Variants in LOC122539214 observed in about 807,000 individuals in gnomAD.
chr19:52,687,522 T>A, the LOC122539214 span, among the ~76,000 whole-genome samples: 11 of 17,532 alleles, frequency 6.3e-4, 3 homozygotes, highest in East Asian at 1.2e-3. Flanking sequence ...TATATAAATT[T>A]TATATATAAA....
the LOC122539214 span, chr19:52,654,531 G>A: frequency 4.0e-5 from 18 of 447,748 alleles, no homozygotes; most frequent in African/African-American, 2.9e-4. Flanking sequence ...GATCTTCAAA[G>A]TTTAAGAACA....
At chr19:52,660,048 G>A in the LOC122539214 span, among the ~76,000 whole-genome samples, 1 of 152,016 alleles carries the variant, frequency 6.6e-6, no homozygotes, top group Admixed American at 6.6e-5. Context: ...AAAATTAGCG[G>A]GGTGTGGTGG....
the LOC122539214 span, chr19:52,654,292 A>G: frequency 6.5e-7 from 1 of 1,532,528 alleles, no homozygotes; most frequent in Non-Finnish European, 9.0e-7. Context: ...TGGGAAGCAA[A>G]AATCTCCAAT....
the LOC122539214 span, among the ~76,000 whole-genome samples, chr19:52,677,859 C>T: frequency 6.6e-6 from 1 of 151,800 alleles, no homozygotes; most frequent in Admixed American, 6.6e-5. Context: ...TGCTGAAACC[C>T]CATCTCTACT....
At chr19:52,654,358 C>A in the LOC122539214 span, 1 of 1,299,434 alleles carries the variant, frequency 7.7e-7, no homozygotes, top group South Asian at 1.4e-5. Flanking sequence ...TCCTGTATTA[C>A]CGTGCCCTGT....
chr19:52,680,603 AAT>A, the LOC122539214 span, among the ~76,000 whole-genome samples: 244 of 101,716 alleles, frequency 2.4e-3, 2 homozygotes, highest in African/African-American at 6.7e-3. Context: ...TTTTCCACAA[AAT>A]ATTTTTTTTT....
At chr19:52,665,933 GGCAA>G in the LOC122539214 span, among the ~76,000 whole-genome samples, 1 of 152,018 alleles carries the variant, frequency 6.6e-6, no homozygotes, top group East Asian at 1.9e-4. Context: ...GGCTGAGGTG[GGCAA>G]ATCACGAGGT....
At chr19:52,676,371 T>A in the LOC122539214 span, among the ~76,000 whole-genome samples, 5 of 152,140 alleles carry the variant, frequency 3.3e-5, no homozygotes, top group South Asian at 2.1e-4. Context: ...CCTCCCAAAG[T>A]GCCGAGATTG....
At chr19:52,679,656 T>A in the LOC122539214 span, among the ~76,000 whole-genome samples, 10 of 152,186 alleles carry the variant, frequency 6.6e-5, no homozygotes, top group South Asian at 2.1e-4. Context: ...GAAACACTTA[T>A]CAGTCAGTGT....
At chr19:52,658,058 C>T in the LOC122539214 span, among the ~76,000 whole-genome samples, 1 of 150,994 alleles carries the variant, frequency 6.6e-6, no homozygotes, top group Non-Finnish European at 1.5e-5. Flanking sequence ...ATTGCTTTAA[C>T]CATGAAAGCG....
the LOC122539214 span, chr19:52,652,934 A>C: frequency 8.4e-7 from 1 of 1,188,892 alleles, no homozygotes; most frequent in Non-Finnish European, 1.2e-6. Flanking sequence ...TGGTATACAA[A>C]GGATGACATA....
At chr19:52,675,635 A>C in the LOC122539214 span, among the ~76,000 whole-genome samples, 34 of 152,192 alleles carry the variant, frequency 2.2e-4, no homozygotes, top group African/African-American at 8.2e-4. Context: ...AGCATTACAA[A>C]ATCGATAGGC....
the LOC122539214 span, chr19:52,652,687 G>T: frequency 1.7e-6 from 1 of 605,980 alleles, no homozygotes; most frequent in South Asian, 1.5e-5. Context: ...TGCAATGCTT[G>T]TAGCATTACT....
At chr19:52,661,700 C>T in the LOC122539214 span, among the ~76,000 whole-genome samples, 1 of 152,184 alleles carries the variant, frequency 6.6e-6, no homozygotes, top group Non-Finnish European at 1.5e-5. Context: ...CTGCTCTCCC[C>T]TTGGGGACTT....
chr19:52,676,324 C>T, the LOC122539214 span, among the ~76,000 whole-genome samples: 16,541 of 152,184 alleles, frequency 0.11, 1,216 homozygotes, highest in Non-Finnish European at 0.15. Context: ...CTGATCTCGG[C>T]TCACTACAAC....
the LOC122539214 span, among the ~76,000 whole-genome samples, chr19:52,684,650 G>A: frequency 0.016 from 2,355 of 150,584 alleles, 34 homozygotes; most frequent in Middle Eastern, 0.041. Context: ...TGGGCAGAGG[G>A]AACTTCAGAT....
At chr19:52,661,737 G>A in the LOC122539214 span, among the ~76,000 whole-genome samples, 16,198 of 152,170 alleles carry the variant, frequency 0.11, 974 homozygotes, top group African/African-American at 0.15. Flanking sequence ...AGTGAACAGC[G>A]AAGGAGCTAA....
At chr19:52,657,121 C>T in the LOC122539214 span, among the ~76,000 whole-genome samples, 1 of 150,064 alleles carries the variant, frequency 6.7e-6, no homozygotes, top group Non-Finnish European at 1.5e-5. Context: ...ATCACCCCCA[C>T]CCTCCCAAAA....
chr19:52,680,762 G>A, the LOC122539214 span, among the ~76,000 whole-genome samples: 46 of 143,888 alleles, frequency 3.2e-4, no homozygotes, highest in South Asian at 2.0e-3. Context: ...ACAGGCGCCC[G>A]CCACTACGCC....
Sources: allele counts gnomAD v4.1 joint callset (sites outside exome capture counted in the v4.1 genomes callset), GRCh38; gene constraint gnomAD v4.1.1; transcripts MANE v1.5.